PHC1: variants seen among roughly 807,000 people sequenced by gnomAD.
PHC1 encodes polyhomeotic-like protein 1.
A neutral mutation model predicts 104.3 loss-of-function variants in PHC1; 12 were observed. The observed-to-expected ratio is 0.12, with a 90% CI of 0.07 to 0.19. PHC1 has a LOEUF of 0.19. PHC1 is among the 10% of genes least tolerant of loss of function. PHC1 has a pLI of 1.00. For missense variants in PHC1, 671 were observed against 1,200.0 expected (o/e 0.56, Z 6.51); for synonymous variants, 302 against 455.8 (o/e 0.66, Z 4.30).
In PHC1 at chr12:8,919,581, GTTGACT is replaced by G. The variant is rs1334191256; in HGVS notation, c.115-171_115-166del. ...GTGCTCCAGCCTGGTGATAGAGCAG[GTTGACT>G]TTGCTCTAAAAAAATGAAGGAAAAT... On this transcript the variant is annotated intron_variant, in intron 2 of 14. Coordinates refer to ENST00000544916, the MANE Select transcript of PHC1 (RefSeq NM_004426.3). This position sits in a 1 kb window ranked among gnomAD's most constrained non-coding sequence, Gnocchi z 4.9. Among the ~76,000 whole-genome samples, 1 of 152,102 alleles carries G rather than the reference GTTGACT, an allele frequency of 6.6e-6. No homozygotes were observed.
intron 1 of PHC1, chr12:8,915,132 C>T (rs1217090166): frequency 6.5e-6 from 1 of 152,926 alleles, no homozygotes; most frequent in African/African-American, 2.4e-5. Flanking sequence ...GTCTAGTTAT[C>T]TCCCTGCTTT....
intron 6 of PHC1, among the ~76,000 whole-genome samples, chr12:8,927,941 C>T (rs773285307): frequency 1.1e-4 from 14 of 122,446 alleles, no homozygotes; most frequent in African/African-American, 3.8e-4. Context: ...GACAGAGTCT[C>T]TGTTGCTCAG....
At chr12:8,923,622 A>G (rs965550182) in intron 6 of PHC1, among the ~76,000 whole-genome samples, 1 of 151,944 alleles carries the variant, frequency 6.6e-6, no homozygotes, top group African/African-American at 2.4e-5. Flanking sequence ...AGGTCAGGAG[A>G]TCGAGACCAT....
In PHC1 at chr12:8,920,988, A is replaced by G; in HGVS notation, c.229A>G (p.Thr77Ala). ...TGTTTCCCTTCCCCTTTAATAGGCC[A>G]CAATTGCTGCCAGTCGGCAGGCCAG... ...LHSLAAVQQA[T>A]IAASRQASSP... Residue 77 changes from threonine (T) to alanine (A), a missense_variant, in exon 4 of 15, where the codon ACA becomes GCA. Transcript: ENST00000544916. The G allele has an allele frequency of 1.2e-6, 2 of 1,611,192 alleles. No homozygotes were observed. Among genetic ancestry groups the G allele is most frequent in the Non-Finnish European group, 1.7e-6 (2 of 1,178,686 alleles).
chr12:8,933,272 A>G lies in PHC1; in HGVS notation c.1815A>G (p.Val605=). 3 of 1,460,048 alleles carry G rather than the reference A, an allele frequency of 2.1e-6. No individual in the cohort carries two copies. The highest frequency in any genetic ancestry group is 2.7e-6 in the Non-Finnish European group (3 of 1,100,872). 90.4% of individuals were successfully genotyped at this position (1,460,048 alleles called of 1,614,324 possible). A position where few individuals can be genotyped will look rare whatever the true frequency, so the allele number is the denominator to read the frequency against. ...LAPVQGTAHV[V]KGGATTSSPV... is the part of the protein sequence containing the mutation. ...CTGTGCAGGGGACAGCACATGTGGT[A>G]AAGGGTGGGGCTACCACCTCCTCAC... The change falls in exon 8 of 15, where the codon GTA becomes GTG. Residue 605 remains valine (V), a synonymous_variant. Coordinates refer to ENST00000544916, the MANE Select transcript of PHC1 (RefSeq NM_004426.3).
At chr12:8,939,101 T>G (rs1370706854) in intron 14 of PHC1, among the ~76,000 whole-genome samples, 1 of 152,262 alleles carries the variant, frequency 6.6e-6, no homozygotes, top group Non-Finnish European at 1.5e-5. Context: ...GCTGGGATTA[T>G]AGGCGTGAGC....
intron 5 of PHC1, 109 bp downstream of exon 5, chr12:8,921,859 G>A: frequency 9.2e-7 from 1 of 1,089,126 alleles, no homozygotes; most frequent in South Asian, 1.6e-5. Flanking sequence ...TGTCACCCAG[G>A]CTGGAGTGCA....
intron 6 of PHC1, among the ~76,000 whole-genome samples, chr12:8,923,728 G>T (rs1592193848): frequency 6.6e-6 from 1 of 151,112 alleles, no homozygotes; most frequent in South Asian, 2.1e-4. Flanking sequence ...TACCTGGGAG[G>T]CTGAGGCCCG....
chr12:8,920,943 T>C, intron 3 of PHC1, 42 bp from the exon 4 acceptor site: 1 of 1,384,372 alleles, frequency 7.2e-7, no homozygotes, highest in Non-Finnish European at 1.0e-6. Context: ...GCTTTTTCCT[T>C]CACTGTCTTT....
chr12:8,930,101 G>A (rs1451028027), intron 6 of PHC1, among the ~76,000 whole-genome samples: 4 of 152,174 alleles, frequency 2.6e-5, no homozygotes, highest in Non-Finnish European at 4.4e-5. Context: ...TGCATTTCCA[G>A]TATCCAGTGT....
chr12:8,929,236 C>T (rs1185449856), intron 6 of PHC1, among the ~76,000 whole-genome samples: 1 of 152,134 alleles, frequency 6.6e-6, no homozygotes, highest in Non-Finnish European at 1.5e-5. Context: ...TTCCCTTTAT[C>T]CATATTTTGG....
chr12:8,935,054 A>G (rs1218838451), intron 10 of PHC1, 70 bp from the exon 11 acceptor site: 1 of 737,468 alleles, frequency 1.4e-6, no homozygotes, highest in Non-Finnish European at 2.3e-6. Context: ...TGATGGGGAA[A>G]TGTTGGGGAA....
intron 2 of PHC1, among the ~76,000 whole-genome samples, chr12:8,918,442 A>C (rs776661679): frequency 1.3e-5 from 2 of 152,036 alleles, no homozygotes; most frequent in Non-Finnish European, 2.9e-5. Flanking sequence ...TTAGGGCTGT[A>C]TTACCTTTAC....
intron 6 of PHC1, among the ~76,000 whole-genome samples, chr12:8,930,068 G>A (rs953969079): frequency 6.6e-6 from 1 of 152,210 alleles, no homozygotes; most frequent in Non-Finnish European, 1.5e-5. Context: ...TAATCATTAA[G>A]AGCAGAGACT....
Position 8,940,445 on chromosome 12 carries a change from G to A in PHC1, c.*986G>A, listed in dbSNP as rs948710072. 7 of 171,870 alleles carry A rather than the reference G, an allele frequency of 4.1e-5. No homozygotes were observed. Among genetic ancestry groups the A allele is most frequent in the African/African-American group, 1.7e-4 (7 of 41,152 alleles). 10.6% of individuals were successfully genotyped at this position (171,870 alleles called of 1,614,324 possible). A position where few individuals can be genotyped will look rare whatever the true frequency, so the allele number is the denominator to read the frequency against. ...TCTTCATTTTAAAACACCAGGGTGT[G>A]GGGGAGGGATGCAAACAAATAACAA... On this transcript the variant is annotated 3_prime_UTR_variant, in exon 15 of 15. Coordinates refer to ENST00000544916, the MANE Select transcript of PHC1 (RefSeq NM_004426.3).
At chr12:8,924,419 T>C (rs1045997638) in intron 6 of PHC1, among the ~76,000 whole-genome samples, 5 of 152,166 alleles carry the variant, frequency 3.3e-5, no homozygotes, top group African/African-American at 1.2e-4. Context: ...GAGGTTGCAG[T>C]GAGCTGAGAT....
intron 9 of PHC1, 40 bp downstream of exon 9, chr12:8,934,052 A>G (rs770231590): frequency 6.2e-7 from 1 of 1,604,226 alleles, no homozygotes; most frequent in Non-Finnish European, 8.5e-7. Context: ...GAGCACACAG[A>G]GTAGAGGAAT....
rs1437375533 is a variant in PHC1, at chr12:8,937,771, AAG to A, written c.2629-51_2629-50del. ...CCCAACCCAGGGTGGTTTGGGAAGAAAGAGAGAGGAATAAACCTTTGACACTG... is the reference window on the plus strand; with the variant it reads ...CCCAACCCAGGGTGGTTTGGGAAGAAAGAGAGGAATAAACCTTTGACACTG... On this transcript the variant is annotated intron_variant, in intron 13 of 14. Transcript: ENST00000544916. The A allele has an allele frequency of 1.3e-5, 18 of 1,387,226 alleles. No homozygotes were observed. The African/African-American group carries it at 2.0e-4, about 15-fold the overall frequency. 85.9% of individuals were successfully genotyped at this position (1,387,226 alleles called of 1,614,324 possible).
rs1805735 is a variant in PHC1 at position 8,934,087 on chromosome 12, A to T, written c.2041+75A>T. Reference sequence around the variant, plus strand: ...TGTTCTGAGTGAGCTAAAAGATAAAACTGGTTGAGTAGAAAATGGGCCAGA... The same window carrying T: ...TGTTCTGAGTGAGCTAAAAGATAAATCTGGTTGAGTAGAAAATGGGCCAGA... On this transcript the variant is annotated intron_variant, in intron 9 of 14. Coordinates refer to ENST00000544916, the MANE Select transcript of PHC1 (RefSeq NM_004426.3). 0.82 allele frequency: 1,262,929 copies of T among 1,536,246 alleles called. 522,902 individuals are homozygous for T. Among genetic ancestry groups the T allele is most frequent in the Admixed American group, 0.87 (50,650 of 58,248 alleles).
Sources: gnomAD v4.1 joint callset for allele counts (sites outside exome capture counted in the v4.1 genomes callset) on GRCh38, gnomAD v4.1.1 for gene constraint, Gnocchi (gnomAD v3.1) non-coding constraint, MANE v1.5 for transcripts, NCBI Gene and HGNC (gene_info 2026-07-23, HGNC 2026-07-21) for gene names.